SP110: variants seen among roughly 807,000 people sequenced by gnomAD.
The protein encoded by SP110 is SP110 nuclear body protein.
SP110 carries 62 observed loss-of-function variants against 92.7 expected under a neutral mutation model. The observed-to-expected ratio is 0.67, with a 90% confidence interval of 0.55 to 0.83. The LOEUF is 0.83. SP110 is among the 40% of genes least tolerant of loss of function. The pLI is 0.00. For synonymous variants in SP110, 273 were observed against 305.3 expected (o/e 0.89, Z 1.10); for missense variants, 793 against 863.9 (o/e 0.92, Z 1.03).
At chr2:230,177,413 C>T (rs976100384) in intron 14 of SP110, 125 bp downstream of exon 14, 2 of 1,065,062 alleles carry the variant, frequency 1.9e-6, no homozygotes, top group Non-Finnish European at 2.9e-6. Context: ...TTTCTATGAA[C>T]ATTTAACTCC....
At chr2:230,171,478 C>T (rs1574587758) in intron 17 of SP110, 1 of 586,652 alleles carries the variant, frequency 1.7e-6, no homozygotes, top group South Asian at 2.0e-5. Flanking sequence ...AAGCAACTTG[C>T]CCGGTATCCC....
chr2:230,222,333 A>G (rs1046966520), upstream of SP110, among the ~76,000 whole-genome samples: 1 of 152,108 alleles, frequency 6.6e-6, no homozygotes, highest in African/African-American at 2.4e-5. Context: ...TAAATTATAC[A>G]TAATTCTTTT....
Position 230,212,443 on chromosome 2 carries a change from A to C in SP110, c.584-13T>G. The C allele has an allele frequency of 6.3e-7, 1 of 1,580,872 alleles. No individual in the cohort carries two copies. Among genetic ancestry groups the C allele is most frequent in the Non-Finnish European group, 8.7e-7 (1 of 1,149,578 alleles). ...TTGTCATTGGTCACTGAAGGAGGAA[A>C]GGAAATTATTACAGATTGCAGGGAC... On this transcript the variant is annotated splice_polypyrimidine_tract_variant and intron_variant, in intron 4 of 18. Transcript: ENST00000258381.
rs781587648 is a variant in SP110, at chr2:230,172,863, G to T, written c.1687C>A (p.Pro563Thr). ...ACTCACCTCTTGGCTTCCACAGGGG[G>T]GATGTGACAGTCCTCATGGAAGACT... ...PRVFHEDCHI[P>T]PVEAKRMLWS... Residue 563 changes from proline (P) to threonine (T), a missense_variant, in exon 15 of 19, where the codon CCC (proline) becomes ACC (threonine). Physicochemically the swap from Pro to Thr is conservative, Grantham distance 38. Coordinates refer to ENST00000258381, the MANE Select transcript of SP110 (RefSeq NM_080424.4). 3.7e-6 allele frequency: 6 copies of T among 1,613,406 alleles called. No homozygotes were observed. In the South Asian group the frequency reaches 4.4e-5, roughly 12 times the overall value.
intron 11 of SP110, among the ~76,000 whole-genome samples, chr2:230,184,826 G>T (rs2042283509): frequency 6.6e-6 from 1 of 152,184 alleles, no homozygotes; most frequent in Non-Finnish European, 1.5e-5. Context: ...GCTAGGTAAT[G>T]CTGTGGTAAT....
At chr2:230,198,228 AAAAG>A (rs1355699991) in intron 10 of SP110, among the ~76,000 whole-genome samples, 1 of 152,098 alleles carries the variant, frequency 6.6e-6, no homozygotes, top group African/African-American at 2.4e-5. Flanking sequence ...CACAGGCGGG[AAAAG>A]AATGTGGAGA....
intron 10 of SP110, among the ~76,000 whole-genome samples, chr2:230,189,331 C>A (rs367861008): frequency 2.0e-5 from 3 of 152,120 alleles, no homozygotes; most frequent in African/African-American, 7.2e-5. Context: ...ATGAACTTTC[C>A]TCTTAAAAGC....
chr2:230,216,645 A>T, intron 2 of SP110, 136 bp downstream of exon 2: 1 of 1,046,072 alleles, frequency 9.6e-7, no homozygotes, highest in Non-Finnish European at 1.5e-6. Context: ...AACTACCCCC[A>T]CCTTCTGTGA....
chr2:230,207,365 A>G (rs1327825905), intron 8 of SP110, among the ~76,000 whole-genome samples: 1 of 152,166 alleles, frequency 6.6e-6, no homozygotes, highest in Non-Finnish European at 1.5e-5. Flanking sequence ...TCAGTAAAGA[A>G]TTATTTTCCC....
At chr2:230,171,058 A>G in intron 17 of SP110, 1 of 507,028 alleles carries the variant, frequency 2.0e-6, no homozygotes, top group Admixed American at 3.2e-5. Context: ...AAAGTGGTAG[A>G]GCTGAGATGG....
intron 9 of SP110, among the ~76,000 whole-genome samples, 197 bp from the exon 10 acceptor site, chr2:230,201,162 C>A (rs1261416999): frequency 6.6e-6 from 1 of 152,170 alleles, no homozygotes; most frequent in Non-Finnish European, 1.5e-5. Context: ...GAGGAGCAGA[C>A]CGCAGTTGGT....
At chr2:230,196,702 C>G (rs1432605884) in intron 10 of SP110, among the ~76,000 whole-genome samples, 1 of 151,628 alleles carries the variant, frequency 6.6e-6, no homozygotes, top group Non-Finnish European at 1.5e-5. Flanking sequence ...CTCCCCGCAC[C>G]CCACAACAGT....
intron 2 of SP110, 30 bp downstream of exon 2, chr2:230,216,751 G>A (rs1443847313): frequency 6.2e-7 from 1 of 1,612,658 alleles, no homozygotes; most frequent in Admixed American, 1.7e-5. Flanking sequence ...TGGGGGCTGG[G>A]CTGCCATGGA....
At chr2:230,216,718 A>G (rs2045220813) in intron 2 of SP110, 63 bp downstream of exon 2, 1 of 1,597,968 alleles carries the variant, frequency 6.3e-7, no homozygotes, top group Non-Finnish European at 8.6e-7. Flanking sequence ...GTGGTTTGAG[A>G]CTTTAATAAT....
intron 3 of SP110, 40 bp from the exon 4 acceptor site, chr2:230,213,067 C>A: frequency 6.2e-7 from 1 of 1,605,032 alleles, no homozygotes; most frequent in African/African-American, 1.3e-5. Flanking sequence ...ACCCTGGAGA[C>A]TCAGAATTAC....
rs2045655085 is a variant in SP110, at chr2:230,219,919, C to T, written c.-47G>A. 1.0e-6 allele frequency: 1 copy of T among 985,356 alleles called. No homozygotes were observed. The highest frequency in any genetic ancestry group is 1.7e-5 in the African/African-American group (1 of 57,216). The allele number at this position is 985,356 out of a possible 1,614,324, so 61.0% of individuals were successfully genotyped here. ...TCCTGCCCCTTTCCAGGGGCTGGGA[C>T]AGGGATCACTCCTCAAGATTGGGAG... On this transcript the variant is annotated 5_prime_UTR_variant, in exon 1 of 19. Transcript: ENST00000258381.
chr2:230,204,894 C>T (rs1368558313), intron 8 of SP110, among the ~76,000 whole-genome samples: 1 of 151,838 alleles, frequency 6.6e-6, no homozygotes, highest in Non-Finnish European at 1.5e-5. Flanking sequence ...ATAGCACATG[C>T]CAAGGATCAA....
Position 230,172,891 on chromosome 2 carries a change from T to G in SP110, c.1659A>C (p.Pro553=). The G allele has an allele frequency of 6.2e-7, 1 of 1,614,194 alleles. No individual in the cohort carries two copies. The highest frequency in any genetic ancestry group is 8.5e-7 in the Non-Finnish European group (1 of 1,180,014). Residue 553 remains proline, a synonymous_variant, in exon 15 of 19, where the codon CCA becomes CCC. Transcript: ENST00000258381. ...GGQLLCCGTC[P]RVFHEDCHIP... ...TGTGACAGTCCTCATGGAAGACTCG[T>G]GGACAAGTACCGCAGCAGAGAAGTT...
chr2:230,171,991 C>T, intron 16 of SP110, 75 bp downstream of exon 16: 2 of 958,872 alleles, frequency 2.1e-6, no homozygotes, highest in Non-Finnish European at 1.7e-6. Context: ...TGGTACATTG[C>T]CCTGACCCTG....
Sources: allele counts gnomAD v4.1 joint callset (sites outside exome capture counted in the v4.1 genomes callset), GRCh38; gene constraint gnomAD v4.1.1; transcripts MANE v1.5; gene names NCBI Gene and HGNC (gene_info 2026-07-23, HGNC 2026-07-21).